Variants in EGFLAM observed in about 807,000 individuals in gnomAD.
The protein encoded by EGFLAM is pikachurin.
In EGFLAM, 79 loss-of-function variants were observed where a neutral mutation model predicts 113.1. The observed-to-expected ratio is 0.70, with a 90% CI of 0.58 to 0.84. The LOEUF (loss-of-function observed/expected upper bound fraction) is 0.84. Ranked by LOEUF, EGFLAM falls within the 40% of genes least tolerant of loss-of-function variation. EGFLAM has a pLI of 0.00. For missense variants in EGFLAM, 1,265 were observed against 1,291.6 expected (o/e 0.98, Z 0.32); for synonymous variants, 504 against 487.6 (o/e 1.03, Z -0.44).
intron 18 of EGFLAM, 137 bp downstream of exon 18, chr5:38,448,516 A>G: frequency 2.5e-6 from 2 of 793,698 alleles, no homozygotes; most frequent in South Asian, 1.7e-5. Context: ...TCAGGGGAAA[A>G]ACACACACAA....
At chr5:38,281,522 A>G (rs1231605891) in intron 1 of EGFLAM, among the ~76,000 whole-genome samples, 1 of 152,202 alleles carries the variant, frequency 6.6e-6, no homozygotes, top group Non-Finnish European at 1.5e-5. Context: ...TAAATCTGAG[A>G]ACTCTAATCA....
intron 3 of EGFLAM, among the ~76,000 whole-genome samples, chr5:38,343,043 C>T (rs145402547): frequency 6.6e-5 from 10 of 152,246 alleles, no homozygotes; most frequent in Admixed American, 3.9e-4. Context: ...TTCCTGCTCT[C>T]TCATCAGAGC....
chr5:38,330,380 G>A (rs868091072), intron 1 of EGFLAM, among the ~76,000 whole-genome samples: 4 of 152,248 alleles, frequency 2.6e-5, no homozygotes, highest in East Asian at 3.9e-4. Flanking sequence ...CCAGTCTTGC[G>A]GGTGTCTGGA....
intron 13 of EGFLAM, 25 bp downstream of exon 13, chr5:38,425,117 G>T: frequency 6.2e-7 from 1 of 1,607,290 alleles, no homozygotes; most frequent in Non-Finnish European, 8.5e-7. Context: ...AGTTGAAGGC[G>T]GTTTCTATCT....
intron 1 of EGFLAM, among the ~76,000 whole-genome samples, chr5:38,281,774 A>G (rs1287113154): frequency 2.6e-5 from 4 of 152,226 alleles, no homozygotes; most frequent in East Asian, 3.8e-4. Flanking sequence ...TTTACTACAC[A>G]AGACTTGCAG....
chr5:38,406,759 C>A, intron 7 of EGFLAM, 69 bp from the exon 8 acceptor site: 1 of 1,462,140 alleles, frequency 6.8e-7, no homozygotes, highest in Non-Finnish European at 9.4e-7. Context: ...TAGGCAACAA[C>A]TATAAATAAA....
intron 6 of EGFLAM, among the ~76,000 whole-genome samples, chr5:38,383,408 T>C (rs551393159): frequency 6.7e-6 from 1 of 148,174 alleles, no homozygotes; most frequent in East Asian, 2.0e-4. Flanking sequence ...AACAAATTTG[T>C]CAGGCCTTTT....
At chr5:38,442,307 A>G (rs1302684059) in intron 17 of EGFLAM, among the ~76,000 whole-genome samples, 1 of 148,226 alleles carries the variant, frequency 6.7e-6, no homozygotes, top group Non-Finnish European at 1.5e-5. Flanking sequence ...TTAATATACT[A>G]AATTTTTATA....
intron 6 of EGFLAM, among the ~76,000 whole-genome samples, chr5:38,377,837 T>C (rs1043903595): frequency 6.6e-6 from 1 of 152,200 alleles, no homozygotes; most frequent in African/African-American, 2.4e-5. Flanking sequence ...GAGTACAGTT[T>C]GCTGATAGCG....
In EGFLAM at chr5:38,464,251, G is replaced by A; in HGVS notation, c.*265G>A. 2.2e-6 allele frequency: 1 copy of A among 450,348 alleles called. No individual in the cohort carries two copies. The highest frequency in any genetic ancestry group is 4.0e-6 in the Non-Finnish European group (1 of 250,592). The allele number at this position is 450,348 out of a possible 1,614,324, so 27.9% of individuals were successfully genotyped here. A position where few individuals can be genotyped will look rare whatever the true frequency, so the allele number is the denominator to read the frequency against. Reference sequence around the variant, plus strand: ...TCCATTGAATATGTAGCGGCTGCCAGAGATCACACATCAATGCAAATTCCA... The same window carrying A: ...TCCATTGAATATGTAGCGGCTGCCAAAGATCACACATCAATGCAAATTCCA... On this transcript the variant is annotated 3_prime_UTR_variant, in exon 22 of 22. Transcript: ENST00000322350.
At chr5:38,344,664 A>G (rs1276069102) in intron 3 of EGFLAM, among the ~76,000 whole-genome samples, 2 of 152,144 alleles carry the variant, frequency 1.3e-5, no homozygotes, top group Non-Finnish European at 2.9e-5. Context: ...AACTGTCTGG[A>G]TGTCACCTTC....
chr5:38,423,785 C>T (rs745975628), intron 12 of EGFLAM, among the ~76,000 whole-genome samples: 9 of 152,170 alleles, frequency 5.9e-5, no homozygotes, highest in East Asian at 1.9e-4. Context: ...GCCATCTGCA[C>T]GGGCTTTAAT....
rs986406934 is a variant in EGFLAM at position 38,267,803 on chromosome 5, C to T, written c.97+8952C>T. Among the ~76,000 whole-genome samples the T allele has an allele frequency of 5.3e-5, 8 of 152,272 alleles. No homozygotes were observed. In the East Asian group the frequency reaches 5.8e-4, roughly 11 times the overall value. Reference sequence around the variant, plus strand: ...GATTATTTGAAGAACTTTACTATGACGTTCCAAGTGGCAGCAAATATACTT... The same window carrying T: ...GATTATTTGAAGAACTTTACTATGATGTTCCAAGTGGCAGCAAATATACTT... On this transcript the variant is annotated intron_variant, in intron 1 of 21. Transcript: ENST00000322350.
Position 38,261,958 on chromosome 5 carries a change from T to C in EGFLAM, c.97+3107T>C, listed in dbSNP as rs76593848. Reference sequence around the variant, plus strand: ...TGAAGAATGGGAGGGTTTAGGGCCCTGTCCTTTCCCCAGACCTTCACGGTG... The same window carrying C: ...TGAAGAATGGGAGGGTTTAGGGCCCCGTCCTTTCCCCAGACCTTCACGGTG... On this transcript the variant is annotated intron_variant, in intron 1 of 21. Coordinates refer to ENST00000322350, the MANE Select transcript of EGFLAM (RefSeq NM_152403.4). Among the ~76,000 whole-genome samples the C allele has an allele frequency of 4.4e-3, 672 of 152,284 alleles. 6 individuals are homozygous for C. Among genetic ancestry groups the C allele is most frequent in the African/African-American group, 0.015 (638 of 41,546 alleles).
chr5:38,397,707 A>G (rs942690703), intron 6 of EGFLAM, among the ~76,000 whole-genome samples: 3 of 152,200 alleles, frequency 2.0e-5, no homozygotes, highest in Non-Finnish European at 2.9e-5. Context: ...TCACTGCCTA[A>G]GCAAATGTAG....
chr5:38,365,339 A>C (rs2112022212), intron 5 of EGFLAM, among the ~76,000 whole-genome samples: 1 of 152,300 alleles, frequency 6.6e-6, no homozygotes, highest in Non-Finnish European at 1.5e-5. Flanking sequence ...CTGGGTCACA[A>C]TGTCCAGTGT....
intron 1 of EGFLAM, among the ~76,000 whole-genome samples, chr5:38,283,254 G>C (rs530255681): frequency 2.6e-5 from 4 of 152,134 alleles, no homozygotes; most frequent in Admixed American, 6.5e-5. Flanking sequence ...TTGGATCCAA[G>C]AACCACCTCC....
intron 1 of EGFLAM, chr5:38,290,854 G>A (rs1462021221): frequency 6.6e-6 from 1 of 152,524 alleles, no homozygotes; most frequent in African/African-American, 2.4e-5. Context: ...GGCCGAGGAG[G>A]GCAGATCACG....
chr5:38,318,329 T>G (rs1021742110), intron 1 of EGFLAM, among the ~76,000 whole-genome samples: 1 of 151,428 alleles, frequency 6.6e-6, no homozygotes, highest in Non-Finnish European at 1.5e-5. Flanking sequence ...TTATACTATC[T>G]GACTATAGTA....
Sources: allele counts gnomAD v4.1 joint callset (sites outside exome capture counted in the v4.1 genomes callset), GRCh38; gene constraint gnomAD v4.1.1; transcripts MANE v1.5; gene names NCBI Gene and HGNC (gene_info 2026-07-23, HGNC 2026-07-21).